ADCY8: variants seen among roughly 807,000 people sequenced by gnomAD.
The protein encoded by ADCY8 is adenylate cyclase type 8.
ADCY8 carries 51 observed loss-of-function variants against 119.7 expected under a neutral mutation model. The observed-to-expected ratio is 0.43, with a 90% CI of 0.34 to 0.54. The LOEUF is 0.54. ADCY8 is among the 20% of genes least tolerant of loss of function. ADCY8 has a pLI of 0.03. For synonymous variants in ADCY8, 665 were observed against 651.0 expected (o/e 1.02, Z -0.33); for missense variants, 1,383 against 1,598.8 (o/e 0.87, Z 2.30).
intron 15 of ADCY8, 136 bp downstream of exon 15, chr8:130,800,290 C>T (rs1815731239): frequency 1.0e-6 from 1 of 952,490 alleles, no homozygotes; most frequent in Non-Finnish European, 1.6e-6. Flanking sequence ...TCAGATAATA[C>T]ATGTTTGTGT....
chr8:130,805,259 G>A (rs1034044111), intron 14 of ADCY8, among the ~76,000 whole-genome samples: 5 of 152,098 alleles, frequency 3.3e-5, no homozygotes, highest in Non-Finnish European at 7.3e-5. Context: ...TTCATCTATG[G>A]GGAAACTGGG....
At chr8:130,979,995 G>A (rs752398432) in intron 2 of ADCY8, among the ~76,000 whole-genome samples, 2 of 152,210 alleles carry the variant, frequency 1.3e-5, no homozygotes, top group Non-Finnish European at 2.9e-5. Flanking sequence ...GAGGTCAGAA[G>A]TCTGAAAGGA....
chr8:130,967,213 T>C (rs1821788735), intron 2 of ADCY8, among the ~76,000 whole-genome samples: 1 of 152,226 alleles, frequency 6.6e-6, no homozygotes, highest in Non-Finnish European at 1.5e-5. Context: ...AATTGGCTCC[T>C]GAAGTCATAT....
intron 2 of ADCY8, among the ~76,000 whole-genome samples, chr8:130,981,889 T>C (rs1036008251): frequency 3.9e-5 from 6 of 152,146 alleles, no homozygotes; most frequent in African/African-American, 1.4e-4. Context: ...TGTCAGCCAA[T>C]GGGTCAGATG....
chr8:130,798,405 T>A (rs1183444147), intron 15 of ADCY8, among the ~76,000 whole-genome samples: 1 of 151,976 alleles, frequency 6.6e-6, no homozygotes. Flanking sequence ...GGAGAGAGGA[T>A]GGGGTAAGGG....
intron 14 of ADCY8, among the ~76,000 whole-genome samples, chr8:130,805,155 C>G (rs1201702634): frequency 6.6e-6 from 1 of 152,182 alleles, no homozygotes; most frequent in Admixed American, 6.5e-5. Flanking sequence ...TGAGCACTTA[C>G]TATGTGCCAA....
intron 14 of ADCY8, among the ~76,000 whole-genome samples, chr8:130,810,429 G>GTA (rs1816128971): frequency 6.6e-6 from 1 of 151,650 alleles, no homozygotes; most frequent in Non-Finnish European, 1.5e-5. Context: ...TAGCAGCATT[G>GTA]TAAGGGGGAG....
In ADCY8 at chr8:131,039,152, G is replaced by A. The variant is rs186849265; in HGVS notation, c.960+222C>T. 5.3e-5 allele frequency among the ~76,000 whole-genome samples: 8 copies of A among 152,360 alleles called. No individual in the cohort carries two copies. In the East Asian group the frequency reaches 1.5e-3, roughly 29 times the overall value. ...GAGTAGAATTACTCATAGAATCAGA[G>A]TAGAAGGGTAGAGTTGGTAGAAACT... On this transcript the variant is annotated intron_variant, in intron 1 of 17. Coordinates refer to ENST00000286355, the MANE Select transcript of ADCY8 (RefSeq NM_001115.3).
At chr8:130,933,276 T>C (rs1413235533) in intron 5 of ADCY8, among the ~76,000 whole-genome samples, 2 of 152,232 alleles carry the variant, frequency 1.3e-5, no homozygotes, top group Non-Finnish European at 2.9e-5. Context: ...ATGGCTTCTA[T>C]CAAGTTTTCA....
chr8:131,031,984 C>T (rs1316545495), intron 1 of ADCY8, among the ~76,000 whole-genome samples: 1 of 152,154 alleles, frequency 6.6e-6, no homozygotes, highest in Non-Finnish European at 1.5e-5. Context: ...TAATCACACA[C>T]ACATACATAC....
intron 2 of ADCY8, among the ~76,000 whole-genome samples, chr8:130,989,199 T>C (rs1439275471): frequency 2.0e-5 from 3 of 152,212 alleles, no homozygotes; most frequent in Non-Finnish European, 4.4e-5. Flanking sequence ...TTCTGAATTT[T>C]GTAAAGTCAA....
chr8:131,020,849 A>C (rs1278311723), intron 1 of ADCY8, among the ~76,000 whole-genome samples: 2 of 152,196 alleles, frequency 1.3e-5, no homozygotes, highest in African/African-American at 4.8e-5. Flanking sequence ...CCCTTGGGAA[A>C]TAGTCCCACT....
chr8:130,927,762 C>T (rs1429853189), intron 5 of ADCY8, among the ~76,000 whole-genome samples: 4 of 151,944 alleles, frequency 2.6e-5, no homozygotes, highest in Admixed American at 2.6e-4. Flanking sequence ...AACAATTTAA[C>T]TTGTTCCTTT....
intron 2 of ADCY8, among the ~76,000 whole-genome samples, chr8:130,971,198 G>A (rs1821912671): frequency 6.6e-6 from 1 of 152,130 alleles, no homozygotes; most frequent in Non-Finnish European, 1.5e-5. Context: ...GTTAATTATT[G>A]TATGTTAATA....
At chr8:130,889,959 A>G (rs1819126113) in intron 7 of ADCY8, among the ~76,000 whole-genome samples, 2 of 152,068 alleles carry the variant, frequency 1.3e-5, no homozygotes, top group Admixed American at 6.6e-5. Flanking sequence ...CACCATTACT[A>G]TGATTCATTG....
chr8:130,911,927 C>T (rs1045975906), intron 5 of ADCY8, among the ~76,000 whole-genome samples: 15 of 152,118 alleles, frequency 9.9e-5, no homozygotes, highest in Admixed American at 6.5e-5. Flanking sequence ...CATGATCTGT[C>T]CAGTGCCTTA....
intron 9 of ADCY8, among the ~76,000 whole-genome samples, chr8:130,854,047 G>T (rs1005336335): frequency 1.3e-5 from 2 of 152,138 alleles, no homozygotes; most frequent in Admixed American, 1.3e-4. Flanking sequence ...TATGGCAAGG[G>T]TATTAATTAC....
chr8:130,821,724 A>G (rs1178619731), intron 12 of ADCY8, among the ~76,000 whole-genome samples: 1 of 152,178 alleles, frequency 6.6e-6, no homozygotes, highest in African/African-American at 2.4e-5. Context: ...TAGATTTTAA[A>G]CAGCCTTTAT....
chr8:130,956,346 T>C (rs1484153069), intron 2 of ADCY8, among the ~76,000 whole-genome samples: 2 of 152,226 alleles, frequency 1.3e-5, no homozygotes, highest in Non-Finnish European at 2.9e-5. Flanking sequence ...TGTGTTAAAC[T>C]GAGCACAGGT....
Sources: allele counts gnomAD v4.1 joint callset (sites outside exome capture counted in the v4.1 genomes callset), GRCh38; gene constraint gnomAD v4.1.1; transcripts MANE v1.5; gene names NCBI Gene and HGNC (gene_info 2026-07-23, HGNC 2026-07-21).